FAM162B: variants seen among roughly 807,000 people sequenced by gnomAD.
The protein encoded by FAM162B is family with sequence similarity 162 member B.
In FAM162B, 16 loss-of-function variants were observed where a neutral mutation model predicts 20.0. That is an observed-to-expected ratio of 0.80 (90% CI 0.54 to 1.21). The LOEUF is 1.21. Ranked by LOEUF, FAM162B falls within the 50% of genes most tolerant of loss-of-function variation. The pLI, the probability that FAM162B is intolerant of heterozygous loss-of-function variation, is 0.00. For missense variants in FAM162B, 260 were observed against 227.5 expected (o/e 1.14, Z -0.92); for synonymous variants, 83 against 89.7 (o/e 0.93, Z 0.42).
intron 3 of FAM162B, among the ~76,000 whole-genome samples, chr6:116,761,608 T>TTATA (rs56740518): frequency 8.1e-4 from 119 of 146,434 alleles, no homozygotes; most frequent in African/African-American, 2.9e-3. Context: ...CCAGTATTTT[T>TTATA]TATATATATA....
At position 116,758,477 on chromosome 6, in the gene FAM162B, C is replaced by T. The variant is rs1461347771; in HGVS notation, c.390+3500G>A. Among the ~76,000 whole-genome samples, 3 of 152,042 alleles carry T rather than the reference C, an allele frequency of 2.0e-5. No homozygotes were observed. The East Asian group carries it at 5.8e-4, about 29-fold the overall frequency. ...GCTCCTTATAATTTAAGAAAATTAG[C>T]TCTTAGTTTGTGATCTATTTTGTAT... On this transcript the variant is annotated intron_variant, in intron 3 of 3. Coordinates refer to ENST00000368557, the MANE Select transcript of FAM162B (RefSeq NM_001085480.3).
chr6:116,753,806 A>C (rs1272606017), intron 3 of FAM162B, among the ~76,000 whole-genome samples: 1 of 152,194 alleles, frequency 6.6e-6, no homozygotes, highest in Non-Finnish European at 1.5e-5. Context: ...GAAAGACTAA[A>C]GACTGATCCA....
chr6:116,752,488 C>T lies in FAM162B; in HGVS notation c.*109G>A, dbSNP rs1780002373. 2 of 474,678 alleles carry T rather than the reference C, an allele frequency of 4.2e-6. No individual in the cohort carries two copies. The highest frequency in any genetic ancestry group is 2.1e-5 in the African/African-American group (1 of 48,768). 29.4% of individuals were successfully genotyped at this position (474,678 alleles called of 1,614,324 possible). ...AAAAAAGACATTGTGCTTCTTGTTA[C>T]CAAAATAAAACCATGGCAGATATTT... is the stretch of plus-strand genomic sequence containing the variant. On this transcript the variant is annotated 3_prime_UTR_variant, in exon 4 of 4. Transcript: ENST00000368557.
At chr6:116,759,237 C>T (rs750275933) in intron 3 of FAM162B, among the ~76,000 whole-genome samples, 3 of 151,006 alleles carry the variant, frequency 2.0e-5, no homozygotes, top group Non-Finnish European at 2.9e-5. Context: ...TTCATTCTTA[C>T]GTGCCTTACC....
intron 3 of FAM162B, among the ~76,000 whole-genome samples, chr6:116,752,996 T>C (rs1434916891): frequency 6.6e-6 from 1 of 151,848 alleles, no homozygotes. Context: ...CTTAGTAAAA[T>C]AAATAAGCAT....
intron 3 of FAM162B, among the ~76,000 whole-genome samples, chr6:116,753,913 T>G (rs1428466028): frequency 6.6e-6 from 1 of 152,174 alleles, no homozygotes; most frequent in East Asian, 1.9e-4. Flanking sequence ...GTGAGTGTGG[T>G]ACCACGGAAA....
rs140773973 is a variant in FAM162B at position 116,759,658 on chromosome 6, A to C, written c.390+2319T>G. Among the ~76,000 whole-genome samples, 617 of 152,068 alleles carry C rather than the reference A, an allele frequency of 4.1e-3. 4 individuals are homozygous for C. Among genetic ancestry groups the C allele is most frequent in the African/African-American group, 0.014 (594 of 41,492 alleles). On this transcript the variant is annotated intron_variant, in intron 3 of 3. Coordinates refer to ENST00000368557, the MANE Select transcript of FAM162B (RefSeq NM_001085480.3). ...ATAAAGAGGAGAGTGAAAATTTTTAAATCTTGTCACTATCTTGCTTAAAAC... is the reference window on the plus strand; with the variant it reads ...ATAAAGAGGAGAGTGAAAATTTTTACATCTTGTCACTATCTTGCTTAAAAC...
chr6:116,763,297 A>G (rs1771835331), intron 2 of FAM162B, among the ~76,000 whole-genome samples: 1 of 152,192 alleles, frequency 6.6e-6, no homozygotes. Flanking sequence ...GAAAAACAAG[A>G]CAAAGTACAG....
chr6:116,765,466 G>C lies in FAM162B; in HGVS notation c.111C>G (p.Pro37=). The C allele has an allele frequency of 7.0e-7, 1 of 1,425,058 alleles. No homozygotes were observed. The highest frequency in any genetic ancestry group is 2.5e-4 in the Middle Eastern group (1 of 3,964). The allele number at this position is 1,425,058 out of a possible 1,614,324, so 88.3% of individuals were successfully genotyped here. The change falls in exon 1 of 4, where the codon CCC becomes CCG. Residue 37 remains proline (P), a synonymous_variant. Coordinates refer to ENST00000368557, the MANE Select transcript of FAM162B (RefSeq NM_001085480.3). Reference sequence around the variant, plus strand: ...CGCTGGAGTAGCAGGGGAGACCCCGGGGCGGAAGAGCCGGTGCGGGCCGTC... The same window carrying C: ...CGCTGGAGTAGCAGGGGAGACCCCGCGGCGGAAGAGCCGGTGCGGGCCGTC... ...ATRRPAPALP[P]RGLPCYSSGG...
chr6:116,764,680 T>A (rs1382199275), intron 2 of FAM162B, among the ~76,000 whole-genome samples: 1 of 151,290 alleles, frequency 6.6e-6, no homozygotes, highest in Non-Finnish European at 1.5e-5. Context: ...TGCGTCTTTT[T>A]TCCAGAGACC....
Position 116,765,446 on chromosome 6 carries a change from G to A in FAM162B, c.131C>T (p.Ser44Phe). Residue 44 changes from serine (S) to phenylalanine (F), a missense_variant, in exon 1 of 4, where the codon TCC becomes TTC. Coordinates refer to ENST00000368557, the MANE Select transcript of FAM162B (RefSeq NM_001085480.3). Reference sequence around the variant, plus strand: ...AGAATTGCTGGGGGCCCCGCCGCTGGAGTAGCAGGGGAGACCCCGGGGCGG... The same window carrying A: ...AGAATTGCTGGGGGCCCCGCCGCTGAAGTAGCAGGGGAGACCCCGGGGCGG... ...ALPPRGLPCY[S>F]SGGAPSNSGP... is the part of the protein sequence containing the mutation. 6.9e-7 allele frequency: 1 copy of A among 1,448,496 alleles called. No homozygotes were observed. The highest frequency in any genetic ancestry group is 9.1e-7 in the Non-Finnish European group (1 of 1,100,842). 89.7% of individuals were successfully genotyped at this position (1,448,496 alleles called of 1,614,324 possible).
intron 3 of FAM162B, among the ~76,000 whole-genome samples, 183 bp from the exon 4 acceptor site, chr6:116,752,878 G>A (rs904608679): frequency 1.3e-5 from 2 of 151,746 alleles, no homozygotes; most frequent in African/African-American, 4.8e-5. Flanking sequence ...AATGGGAAGA[G>A]AGAACAGACT....
intron 2 of FAM162B, among the ~76,000 whole-genome samples, chr6:116,763,180 G>C (rs1221985206): frequency 6.6e-6 from 1 of 152,116 alleles, no homozygotes; most frequent in Non-Finnish European, 1.5e-5. Context: ...GAAATTATTA[G>C]ATTATATTTG....
intron 3 of FAM162B, among the ~76,000 whole-genome samples, chr6:116,754,681 TTTCTTTC>T (rs1034385617): frequency 1.5e-5 from 2 of 133,538 alleles, no homozygotes; most frequent in African/African-American, 6.2e-5. Flanking sequence ...TGTGACTTTC[TTTCTTTC>T]TTCTTCTTCT....
At chr6:116,753,498 T>C (rs1426102033) in intron 3 of FAM162B, among the ~76,000 whole-genome samples, 1 of 152,072 alleles carries the variant, frequency 6.6e-6, no homozygotes, top group East Asian at 1.9e-4. Flanking sequence ...TGATGACTTA[T>C]CCACGAGCAG....
rs553850431 is a variant in FAM162B at position 116,752,637 on chromosome 6, C to A, written c.449G>T (p.Arg150Leu). ...CTGTGCAGCCAATGCAGCTTCTTCACGCCACTTAGCTTTCTTTGCCAAGTT... is the reference window on the plus strand; with the variant it reads ...CTGTGCAGCCAATGCAGCTTCTTCAAGCCACTTAGCTTTCTTTGCCAAGTT... Reference protein sequence around the residue: ...SWNLAKKAKWREEAALAAQAK... With the variant: ...SWNLAKKAKWLEEAALAAQAK... The change falls in exon 4 of 4, where the codon CGT becomes CTT. Residue 150 changes from arginine (R) to leucine (L), a missense_variant. Coordinates refer to ENST00000368557, the MANE Select transcript of FAM162B (RefSeq NM_001085480.3). 3 of 1,592,850 alleles carry A rather than the reference C, an allele frequency of 1.9e-6. No individual in the cohort carries two copies. Among genetic ancestry groups the A allele is most frequent in the Admixed American group, 1.7e-5 (1 of 59,368 alleles).
chr6:116,764,031 G>T (rs186083642), intron 2 of FAM162B, among the ~76,000 whole-genome samples: 7 of 152,224 alleles, frequency 4.6e-5, no homozygotes, highest in Non-Finnish European at 1.0e-4. Context: ...CTCATTTGGT[G>T]ACTTGCTCCA....
At chr6:116,755,927 C>G (rs1403143293) in intron 3 of FAM162B, among the ~76,000 whole-genome samples, 1 of 152,138 alleles carries the variant, frequency 6.6e-6, no homozygotes, top group Non-Finnish European at 1.5e-5. Flanking sequence ...AGATTCCTTT[C>G]AAAATATTAC....
Position 116,765,132 on chromosome 6 carries a change from G to T in FAM162B, c.281+15C>A, listed in dbSNP as rs1398147148. On this transcript the variant is annotated intron_variant, in intron 2 of 3. Coordinates refer to ENST00000368557, the MANE Select transcript of FAM162B (RefSeq NM_001085480.3). Reference sequence around the variant, plus strand: ...GGGGACCGACTCTCCTTCGCGCGGCGGTCGCCACACTTACGGGATCCGAGG... The same window carrying T: ...GGGGACCGACTCTCCTTCGCGCGGCTGTCGCCACACTTACGGGATCCGAGG... The T allele has an allele frequency of 1.2e-6, 2 of 1,611,024 alleles. No individual in the cohort carries two copies. The highest frequency in any genetic ancestry group is 1.7e-6 in the Non-Finnish European group (2 of 1,178,778).
Sources: gnomAD v4.1 joint callset for allele counts (sites outside exome capture counted in the v4.1 genomes callset) on GRCh38, gnomAD v4.1.1 for gene constraint, MANE v1.5 for transcripts, NCBI Gene and HGNC (gene_info 2026-07-23, HGNC 2026-07-21) for gene names.